KAT2B: variants seen among roughly 807,000 people sequenced by gnomAD.
KAT2B encodes the protein lysine acetyltransferase 2B.
A neutral mutation model predicts 105.9 loss-of-function variants in KAT2B; 36 were observed. That is an observed-to-expected ratio of 0.34 (90% confidence interval 0.26 to 0.45). The LOEUF is 0.45. Ranked by LOEUF, KAT2B falls within the 20% of genes least tolerant of loss-of-function variation. KAT2B has a pLI of 1.00. For missense variants in KAT2B, 820 were observed against 1,021.6 expected, an observed-to-expected ratio of 0.80 and a Z score of 2.69; for synonymous variants, 397 against 377.9, an observed-to-expected ratio of 1.05 and a Z score of -0.59.
At chr3:20,043,707 T>C (rs6806287) in intron 1 of KAT2B, among the ~76,000 whole-genome samples, 36,364 of 150,190 alleles carry the variant, frequency 0.24, 4,717 homozygotes, top group African/African-American at 0.34. Flanking sequence ...GAGAGTGACA[T>C]TATCTCAGAT....
intron 5 of KAT2B, among the ~76,000 whole-genome samples, chr3:20,107,519 A>G (rs1181611341): frequency 2.0e-5 from 3 of 150,650 alleles, no homozygotes; most frequent in Non-Finnish European, 4.4e-5. Context: ...TTAGCCAGGC[A>G]TGGTGGCGGG....
chr3:20,063,367 C>T (rs185407998), intron 1 of KAT2B, among the ~76,000 whole-genome samples: 1 of 151,054 alleles, frequency 6.6e-6, no homozygotes, highest in East Asian at 1.9e-4. Flanking sequence ...GTATTATATC[C>T]AAGACACCAT....
intron 7 of KAT2B, among the ~76,000 whole-genome samples, chr3:20,116,950 T>C (rs1699217378): frequency 6.6e-6 from 1 of 152,196 alleles, no homozygotes; most frequent in African/African-American, 2.4e-5. Flanking sequence ...ACCATCTTGG[T>C]GTGTGCTGCC....
intron 2 of KAT2B, among the ~76,000 whole-genome samples, chr3:20,092,496 C>T (rs1416497614): frequency 6.6e-6 from 1 of 151,752 alleles, no homozygotes; most frequent in African/African-American, 2.4e-5. Context: ...TCCTAAAGTG[C>T]TGGGATTACA....
At chr3:20,105,451 G>A (rs1266204408) in intron 5 of KAT2B, among the ~76,000 whole-genome samples, 4 of 152,018 alleles carry the variant, frequency 2.6e-5, no homozygotes, top group Non-Finnish European at 5.9e-5. Context: ...GAAAGTTAAA[G>A]CTTACCCCCA....
At chr3:20,044,697 C>T (rs1426210382) in intron 1 of KAT2B, among the ~76,000 whole-genome samples, 1 of 152,168 alleles carries the variant, frequency 6.6e-6, no homozygotes, top group Non-Finnish European at 1.5e-5. Context: ...AACTCAGATT[C>T]CTTGCCTTTC....
intron 2 of KAT2B, among the ~76,000 whole-genome samples, chr3:20,081,112 A>T (rs911661397): frequency 6.6e-6 from 1 of 152,148 alleles, no homozygotes; most frequent in African/African-American, 2.4e-5. Context: ...GTAGTCATTA[A>T]TTTTACCTCT....
At chr3:20,074,824 G>A (rs371270987) in intron 2 of KAT2B, among the ~76,000 whole-genome samples, 1 of 152,194 alleles carries the variant, frequency 6.6e-6, no homozygotes, top group East Asian at 1.9e-4. Flanking sequence ...TAAATACCCT[G>A]TGGAGGAGCT....
chr3:20,114,142 A>G (rs959080719), intron 6 of KAT2B, among the ~76,000 whole-genome samples: 1 of 151,700 alleles, frequency 6.6e-6, no homozygotes, highest in Admixed American at 6.6e-5. Context: ...AAGCATCTGT[A>G]TTTCTAATAA....
chr3:20,122,948 AG>A, intron 9 of KAT2B, 144 bp downstream of exon 9: 1 of 1,362,516 alleles, frequency 7.3e-7, no homozygotes, highest in Middle Eastern at 2.8e-4. Flanking sequence ...GTCAGTGTGG[AG>A]AGGGCAGGAA....
At chr3:20,121,000 CCAT>C (rs1699298179) in intron 8 of KAT2B, among the ~76,000 whole-genome samples, 1 of 152,042 alleles carries the variant, frequency 6.6e-6, no homozygotes, top group South Asian at 2.1e-4. Flanking sequence ...ATCATAAACA[CCAT>C]TAGCAGTCTA....
intron 1 of KAT2B, among the ~76,000 whole-genome samples, chr3:20,056,208 A>T (rs537453479): frequency 6.6e-6 from 1 of 152,326 alleles, no homozygotes; most frequent in South Asian, 2.1e-4. Context: ...CTAGGGTAGC[A>T]GGAATGGAGG....
chr3:20,127,628 T>C, intron 11 of KAT2B, 79 bp downstream of exon 11: 1 of 1,357,556 alleles, frequency 7.4e-7, no homozygotes, highest in East Asian at 2.3e-5. Context: ...TGGGAAGATC[T>C]CTCTGTGCCA....
At chr3:20,123,068 C>T (rs1699338853) in intron 9 of KAT2B, 1 of 535,640 alleles carries the variant, frequency 1.9e-6, no homozygotes, top group Non-Finnish European at 2.4e-6. Context: ...TGAAAAATTT[C>T]AAGCCCTCAT....
chr3:20,050,358 A>G (rs947881297), intron 1 of KAT2B, among the ~76,000 whole-genome samples: 2 of 152,168 alleles, frequency 1.3e-5, no homozygotes, highest in African/African-American at 4.8e-5. Flanking sequence ...ATTAATTTTT[A>G]CATGTGTATA....
At chr3:20,114,732 A>T in intron 6 of KAT2B, 150 bp from the exon 7 acceptor site, 1 of 586,568 alleles carries the variant, frequency 1.7e-6, no homozygotes. Context: ...AGGGCTGCCC[A>T]ACTAAATCAT....
rs528580962 is a variant in KAT2B at position 20,088,531 on chromosome 3, G to T, written c.431-6732G>T. On this transcript the variant is annotated intron_variant, in intron 2 of 17. Transcript: ENST00000263754. ...TGAACATTTTTCCATATACCTGTTG[G>T]CCATTTGTATGTCTTCTTTTGAGAA... Among the ~76,000 whole-genome samples, 40 of 152,168 alleles carry T rather than the reference G, an allele frequency of 2.6e-4. No individual in the cohort carries two copies. In the South Asian group the frequency reaches 3.3e-3, roughly 13 times the overall value.
At chr3:20,062,398 T>A (rs1698151426) in intron 1 of KAT2B, among the ~76,000 whole-genome samples, 1 of 103,004 alleles carries the variant, frequency 9.7e-6, no homozygotes, top group Admixed American at 1.4e-4. Context: ...CATAATAAAT[T>A]ATATATTATA....
chr3:20,122,813 G>T lies in KAT2B; in HGVS notation c.1413+9G>T. 1 of 1,602,662 alleles carries T rather than the reference G, an allele frequency of 6.2e-7. No individual in the cohort carries two copies. The highest frequency in any genetic ancestry group is 8.5e-7 in the Non-Finnish European group (1 of 1,172,656). Reference sequence around the variant, plus strand: ...CAATGCTTGGACCAGAGGTCAGCAGGGTAAACCTGGGCAGCCAGCTGGTAG... The same window carrying T: ...CAATGCTTGGACCAGAGGTCAGCAGTGTAAACCTGGGCAGCCAGCTGGTAG... On this transcript the variant is annotated intron_variant, in intron 9 of 17. Transcript: ENST00000263754.
Sources: allele counts gnomAD v4.1 joint callset (sites outside exome capture counted in the v4.1 genomes callset), GRCh38; gene constraint gnomAD v4.1.1; transcripts MANE v1.5; gene names NCBI Gene and HGNC (gene_info 2026-07-23, HGNC 2026-07-21).